The following PDGFC variants were observed in gnomAD, a reference collection of about 807,000 sequenced individuals.
The protein encoded by PDGFC is platelet-derived growth factor C.
A neutral mutation model predicts 35.5 loss-of-function variants in PDGFC; 12 were observed. The ratio of observed to expected loss-of-function variants is 0.34; its 90% CI spans 0.22 to 0.55. The LOEUF (loss-of-function observed/expected upper bound fraction) is 0.55, where lower values mean the gene tolerates loss of function less well. Ranked by LOEUF, PDGFC falls within the 20% of genes least tolerant of loss-of-function variation. PDGFC has a pLI of 0.91. For missense variants in PDGFC, 322 were observed against 412.4 expected (o/e 0.78, Z 1.90); for synonymous variants, 159 against 148.8 (o/e 1.07, Z -0.50).
chr4:156,772,956 T>C, intron 3 of PDGFC, 63 bp from the exon 4 acceptor site: 1 of 1,093,996 alleles, frequency 9.1e-7, no homozygotes, highest in Non-Finnish European at 1.4e-6. Flanking sequence ...CTTCTGGACA[T>C]ATGCAAGAAA....
At chr4:156,783,345 T>C (rs564909553) in intron 3 of PDGFC, among the ~76,000 whole-genome samples, 14 of 152,216 alleles carry the variant, frequency 9.2e-5, no homozygotes, top group African/African-American at 2.9e-4. Context: ...GTGGGATACA[T>C]ACAAGTTTAA....
intron 1 of PDGFC, among the ~76,000 whole-genome samples, chr4:156,943,158 T>C (rs982217925): frequency 6.6e-6 from 1 of 152,084 alleles, no homozygotes; most frequent in African/African-American, 2.4e-5. Flanking sequence ...AATTCAAGTC[T>C]GGCTCAACCC....
intron 1 of PDGFC, among the ~76,000 whole-genome samples, chr4:156,889,856 T>C (rs1202972890): frequency 2.0e-5 from 3 of 152,208 alleles, no homozygotes; most frequent in Admixed American, 2.0e-4. Flanking sequence ...GCAAGTCTTA[T>C]TTGTAAAAGT....
In PDGFC at chr4:156,825,578, T is replaced by G. The variant is rs181494814; in HGVS notation, c.315-14561A>C. 9.8e-3 allele frequency among the ~76,000 whole-genome samples: 929 copies of G among 94,640 alleles called. 12 individuals carry two copies. The highest frequency in any genetic ancestry group is 0.029 in the South Asian group (81 of 2,826). 62.1% of individuals were successfully genotyped at this position (94,640 alleles called of 152,430 possible). A position where few individuals can be genotyped will look rare whatever the true frequency, so the allele number is the denominator to read the frequency against. On this transcript the variant is annotated intron_variant, in intron 2 of 5. Transcript: ENST00000502773. ...ATAATAATAATAATAATAATAATAA[T>G]AATAATAATAATAATAAGAAGAAGA... is the stretch of plus-strand genomic sequence containing the variant.
intron 1 of PDGFC, among the ~76,000 whole-genome samples, chr4:156,865,264 A>G (rs1323165570): frequency 6.6e-6 from 1 of 151,926 alleles, no homozygotes; most frequent in Non-Finnish European, 1.5e-5. Flanking sequence ...CAGGGGTATC[A>G]TTTCACATAC....
At position 156,760,665 on chromosome 4, in the gene PDGFC, T is replaced by C. The variant is rs1730355443; in HGVS notation, c.*2425A>G. Reference sequence around the variant, plus strand: ...TTAGTAAAATACACAGGACGATCTATGAGTAAGTGATTATAAAGTGGTTAG... The same window carrying C: ...TTAGTAAAATACACAGGACGATCTACGAGTAAGTGATTATAAAGTGGTTAG... On this transcript the variant is annotated 3_prime_UTR_variant, in exon 6 of 6. Coordinates refer to ENST00000502773, the MANE Select transcript of PDGFC (RefSeq NM_016205.3). 1 of 152,140 alleles carries C rather than the reference T, an allele frequency of 6.6e-6. No individual in the cohort carries two copies. 9.4% of individuals were successfully genotyped at this position (152,140 alleles called of 1,614,324 possible). A position where few individuals can be genotyped will look rare whatever the true frequency, so the allele number is the denominator to read the frequency against.
At chr4:156,867,942 A>G (rs568177530) in intron 1 of PDGFC, among the ~76,000 whole-genome samples, 20 of 152,232 alleles carry the variant, frequency 1.3e-4, no homozygotes, top group South Asian at 6.2e-4. Context: ...ACAGGGCCCA[A>G]TGTTGGCTCA....
intron 1 of PDGFC, among the ~76,000 whole-genome samples, chr4:156,854,075 C>T (rs186737198): frequency 1.3e-5 from 2 of 152,116 alleles, no homozygotes; most frequent in South Asian, 4.1e-4. Flanking sequence ...TCCCTATTGT[C>T]CAAAGTTTCT....
intron 1 of PDGFC, among the ~76,000 whole-genome samples, chr4:156,881,415 T>C (rs2111170734): frequency 6.6e-6 from 1 of 152,284 alleles, no homozygotes; most frequent in Non-Finnish European, 1.5e-5. Context: ...CCTGATATGG[T>C]TTGGCTCTGT....
At chr4:156,884,857 G>A (rs551689917) in intron 1 of PDGFC, among the ~76,000 whole-genome samples, 4 of 152,204 alleles carry the variant, frequency 2.6e-5, no homozygotes, top group South Asian at 2.1e-4. Flanking sequence ...TCTACTGCAC[G>A]ATGGATCAAG....
intron 1 of PDGFC, among the ~76,000 whole-genome samples, chr4:156,859,868 A>G (rs936514513): frequency 1.3e-5 from 2 of 152,054 alleles, no homozygotes; most frequent in African/African-American, 4.8e-5. Flanking sequence ...AGTGCACATT[A>G]TTTTTATCAT....
At chr4:156,801,436 C>T (rs1428058749) in intron 3 of PDGFC, among the ~76,000 whole-genome samples, 2 of 152,128 alleles carry the variant, frequency 1.3e-5, no homozygotes, top group African/African-American at 4.8e-5. Context: ...AAAGAGCCCC[C>T]TGGAGGGTGA....
chr4:156,813,668 T>C (rs1005107488), intron 2 of PDGFC, among the ~76,000 whole-genome samples: 2 of 152,178 alleles, frequency 1.3e-5, no homozygotes, highest in African/African-American at 4.8e-5. Context: ...GGTGGACAAA[T>C]AGATGCAGGT....
chr4:156,822,485 C>T (rs540690556), intron 2 of PDGFC, among the ~76,000 whole-genome samples: 1 of 151,460 alleles, frequency 6.6e-6, no homozygotes, highest in Non-Finnish European at 1.5e-5. Context: ...GACAAAAAGG[C>T]ATGAATTTAT....
At chr4:156,951,052 G>A (rs1560887826) in intron 1 of PDGFC, among the ~76,000 whole-genome samples, 2 of 151,856 alleles carry the variant, frequency 1.3e-5, no homozygotes, top group Non-Finnish European at 2.9e-5. Context: ...TATCTCCAGA[G>A]GTAGATGCTT....
rs114486383 is a variant in PDGFC at position 156,882,668 on chromosome 4, T to G, written c.119-32252A>C. ...GCTTACATTGTATTCTATGTCAATC[T>G]TTTGACTAAAAGTGACAGTAAATTC... On this transcript the variant is annotated intron_variant, in intron 1 of 5. Coordinates refer to ENST00000502773, the MANE Select transcript of PDGFC (RefSeq NM_016205.3). Among the ~76,000 whole-genome samples, 285 of 152,324 alleles carry G rather than the reference T, an allele frequency of 1.9e-3. 1 individual carries two copies. Among genetic ancestry groups the G allele is most frequent in the African/African-American group, 6.6e-3 (274 of 41,580 alleles).
intron 2 of PDGFC, among the ~76,000 whole-genome samples, chr4:156,843,371 G>T (rs1729250410): frequency 6.6e-6 from 1 of 152,168 alleles, no homozygotes. Flanking sequence ...CCCAGTTTAT[G>T]GTTTGTTACA....
In PDGFC at chr4:156,897,201, A is replaced by G. The variant is rs139437930; in HGVS notation, c.119-46785T>C. ...CAGAGAGACATTTGACTAAAAAATA[A>G]GTAAGTCTCACTTTTTTAGTAATTT... On this transcript the variant is annotated intron_variant, in intron 1 of 5. Coordinates refer to ENST00000502773, the MANE Select transcript of PDGFC (RefSeq NM_016205.3). 3.5e-3 allele frequency among the ~76,000 whole-genome samples: 533 copies of G among 152,254 alleles called. 4 individuals carry two copies. Among genetic ancestry groups the G allele is most frequent in the African/African-American group, 0.012 (503 of 41,558 alleles).
chr4:156,837,414 G>T (rs1729089238), intron 2 of PDGFC, among the ~76,000 whole-genome samples: 1 of 151,958 alleles, frequency 6.6e-6, no homozygotes, highest in African/African-American at 2.4e-5. Flanking sequence ...GTGTTCTATT[G>T]CCATTGCTTT....
Sources: allele counts gnomAD v4.1 joint callset (sites outside exome capture counted in the v4.1 genomes callset), GRCh38; gene constraint gnomAD v4.1.1; transcripts MANE v1.5; gene names NCBI Gene and HGNC (gene_info 2026-07-23, HGNC 2026-07-21).